The following ZNF566 variants were observed in gnomAD, a reference collection of about 807,000 sequenced individuals.
ZNF566 encodes the protein zinc finger protein 566.
ZNF566 carries 27 observed loss-of-function variants against 32.8 expected under a neutral mutation model. The observed-to-expected ratio is 0.82, with a 90% confidence interval of 0.61 to 1.14. The LOEUF is 1.14. ZNF566 is among the 50% of genes most tolerant of loss of function. The pLI is 0.00. For missense variants in ZNF566, 402 were observed against 490.4 expected (o/e 0.82, Z 1.70); for synonymous variants, 154 against 159.5 (o/e 0.97, Z 0.26).
chr19:36,450,109 G>A, intron 4 of ZNF566, 108 bp from the exon 5 acceptor site: 1 of 848,960 alleles, frequency 1.2e-6, no homozygotes, highest in South Asian at 1.8e-5. Flanking sequence ...AATGGATGAG[G>A]AAAAAAGAGA....
intron 4 of ZNF566, among the ~76,000 whole-genome samples, chr19:36,452,455 T>G (rs551084325): frequency 6.6e-6 from 1 of 151,382 alleles, no homozygotes; most frequent in East Asian, 1.9e-4. Context: ...TTATCATCTG[T>G]AAATCTGTCA....
intron 1 of ZNF566, among the ~76,000 whole-genome samples, chr19:36,477,526 G>GGTTTTTTT (rs2033919341): frequency 3.7e-5 from 4 of 107,020 alleles, no homozygotes; most frequent in African/African-American, 1.1e-4. Context: ...TTCTGTTTCT[G>GGTTTTTTT]TTTTTTTTTT....
In ZNF566 at chr19:36,467,790, C is replaced by CAAAAAAAAAA. The variant is rs560803094; in HGVS notation, c.232+5111_232+5120dup. ...TGGGTGACAGAGCGAGACTCCATCT[C>CAAAAAAAAAA]AAAAAAAAAAAAAAAAAAAAAAAAA... is the stretch of plus-strand genomic sequence containing the variant. On this transcript the variant is annotated intron_variant, in intron 4 of 4. Transcript: ENST00000452939. Among the ~76,000 whole-genome samples the CAAAAAAAAAA allele has an allele frequency of 7.9e-3, 676 of 85,740 alleles. 10 individuals are homozygous for CAAAAAAAAAA. Among genetic ancestry groups the CAAAAAAAAAA allele is most frequent in the East Asian group, 0.015 (29 of 1,986 alleles). 56.2% of individuals were successfully genotyped at this position (85,740 alleles called of 152,430 possible).
chr19:36,463,302 G>T (rs866254132), intron 4 of ZNF566, among the ~76,000 whole-genome samples: 3 of 151,894 alleles, frequency 2.0e-5, no homozygotes, highest in Non-Finnish European at 4.4e-5. Flanking sequence ...TACATCCTAC[G>T]CAATAAACAA....
chr19:36,453,658 G>A (rs1021785445), intron 4 of ZNF566, among the ~76,000 whole-genome samples: 3 of 151,276 alleles, frequency 2.0e-5, no homozygotes, highest in Non-Finnish European at 4.4e-5. Flanking sequence ...TGTGGTCAAA[G>A]TTAAGCTATT....
chr19:36,462,468 G>C (rs1270634661), intron 4 of ZNF566, among the ~76,000 whole-genome samples: 1 of 151,808 alleles, frequency 6.6e-6, no homozygotes. Context: ...GGTATGGCAG[G>C]AGGAAACAGA....
intron 4 of ZNF566, among the ~76,000 whole-genome samples, chr19:36,470,741 T>G (rs924597468): frequency 6.6e-6 from 1 of 151,998 alleles, no homozygotes; most frequent in Non-Finnish European, 1.5e-5. Flanking sequence ...TGAAACACTG[T>G]CTCTACTAAA....
chr19:36,484,881 G>A (rs374138699), intron 1 of ZNF566, among the ~76,000 whole-genome samples: 4 of 152,030 alleles, frequency 2.6e-5, no homozygotes, highest in African/African-American at 9.6e-5. Context: ...GAGCCACCGC[G>A]CCCAGCCATT....
At chr19:36,483,182 T>C (rs1376234154) in intron 1 of ZNF566, among the ~76,000 whole-genome samples, 1 of 152,216 alleles carries the variant, frequency 6.6e-6, no homozygotes, top group African/African-American at 2.4e-5. Context: ...TAGTTCATAG[T>C]TCTTGGGAAA....
Position 36,448,924 on chromosome 19 carries a change from T to C in ZNF566, c.*53A>G. On this transcript the variant is annotated 3_prime_UTR_variant, in exon 5 of 5. Transcript: ENST00000452939. ...GAGGAATTATTAACAAGATAAATTC[T>C]GTTTTGAGCCATAATTAAAAGCCTC... 3.6e-6 allele frequency: 5 copies of C among 1,394,218 alleles called. No individual in the cohort carries two copies. Among genetic ancestry groups the C allele is most frequent in the Non-Finnish European group, 4.8e-6 (5 of 1,033,922 alleles). The allele number at this position is 1,394,218 out of a possible 1,614,324, so 86.4% of individuals were successfully genotyped here.
At chr19:36,484,278 C>G (rs544395352) in intron 1 of ZNF566, among the ~76,000 whole-genome samples, 1 of 152,336 alleles carries the variant, frequency 6.6e-6, no homozygotes, top group South Asian at 2.1e-4. Flanking sequence ...GGCACATACA[C>G]TGTTACAGGC....
At chr19:36,467,103 C>T (rs1419890037) in intron 4 of ZNF566, among the ~76,000 whole-genome samples, 1 of 149,888 alleles carries the variant, frequency 6.7e-6, no homozygotes, top group Non-Finnish European at 1.5e-5. Flanking sequence ...ACAGACAATT[C>T]AACAGAAAAA....
chr19:36,451,833 C>T (rs2033165778), intron 4 of ZNF566, among the ~76,000 whole-genome samples: 2 of 152,074 alleles, frequency 1.3e-5, no homozygotes, highest in African/African-American at 4.8e-5. Context: ...TGGTGAAACC[C>T]TATCTCTACT....
chr19:36,467,176 C>T (rs919996423), intron 4 of ZNF566, among the ~76,000 whole-genome samples: 1 of 151,420 alleles, frequency 6.6e-6, no homozygotes, highest in African/African-American at 2.4e-5. Flanking sequence ...TGGCTCACGC[C>T]TGTAATCCCA....
intron 4 of ZNF566, among the ~76,000 whole-genome samples, chr19:36,465,107 A>G (rs73049817): frequency 0.18 from 27,770 of 152,118 alleles, 2,758 homozygotes; most frequent in Non-Finnish European, 0.23. Flanking sequence ...GACATTATAC[A>G]GAAGAGACAC....
intron 4 of ZNF566, among the ~76,000 whole-genome samples, chr19:36,462,596 G>C (rs1388304552): frequency 1.3e-5 from 2 of 151,940 alleles, no homozygotes; most frequent in Non-Finnish European, 2.9e-5. Flanking sequence ...TGCTGCTGCT[G>C]TGAGATTGTC....
chr19:36,449,913 T>C lies in ZNF566; in HGVS notation c.321A>G (p.Lys107=). ...AGCACTGAAAATCACGTCTTGTGAG[T>C]TTTTCCATTATTTCCCACTGGGTTG... ...IESTQWEIME[K]LTRRDFQCSS... is the part of the protein sequence containing the mutation. The change falls in exon 5 of 5, where the codon AAA becomes AAG. Residue 107 remains lysine (K), a synonymous_variant. Coordinates refer to ENST00000452939, the MANE Select transcript of ZNF566 (RefSeq NM_001145344.1). 1 of 1,613,884 alleles carries C rather than the reference T, an allele frequency of 6.2e-7. No homozygotes were observed. The highest frequency in any genetic ancestry group is 1.3e-5 in the African/African-American group (1 of 74,976).
chr19:36,465,534 C>T (rs980450890), intron 4 of ZNF566, among the ~76,000 whole-genome samples: 7 of 151,902 alleles, frequency 4.6e-5, no homozygotes, highest in South Asian at 2.1e-4. Flanking sequence ...TGCGGTGGCA[C>T]GATCTCAACT....
rs1197137018 is a variant in ZNF566, at chr19:36,446,644, A to C, written c.*2333T>G. ...AGAACTTTATAAAAGACATAAGCACACAAGAAAAGAAAGTAAACAAAATCT... is the reference window on the plus strand; with the variant it reads ...AGAACTTTATAAAAGACATAAGCACCCAAGAAAAGAAAGTAAACAAAATCT... On this transcript the variant is annotated 3_prime_UTR_variant, in exon 5 of 5. Coordinates refer to ENST00000452939, the MANE Select transcript of ZNF566 (RefSeq NM_001145344.1). 1 of 152,246 alleles carries C rather than the reference A, an allele frequency of 6.6e-6. No individual in the cohort carries two copies. The highest frequency in any genetic ancestry group is 2.4e-5 in the African/African-American group (1 of 41,468). 9.4% of individuals were successfully genotyped at this position (152,246 alleles called of 1,614,324 possible). A position where few individuals can be genotyped will look rare whatever the true frequency, so the allele number is the denominator to read the frequency against.
Sources: allele counts gnomAD v4.1 joint callset (sites outside exome capture counted in the v4.1 genomes callset), GRCh38; gene constraint gnomAD v4.1.1; transcripts MANE v1.5; gene names NCBI Gene and HGNC (gene_info 2026-07-23, HGNC 2026-07-21).